Variants in ARHGAP42 observed in about 807,000 individuals in gnomAD.
ARHGAP42 encodes Rho GTPase activating protein 42.
In ARHGAP42, 63 loss-of-function variants were observed where a neutral mutation model predicts 125.0. That is an observed-to-expected ratio of 0.50 (90% CI 0.41 to 0.62). The LOEUF (loss-of-function observed/expected upper bound fraction) is 0.62. Ranked by LOEUF, ARHGAP42 falls within the 20% of genes least tolerant of loss-of-function variation. ARHGAP42 has a pLI of 0.00. For missense variants in ARHGAP42, 766 were observed against 1,024.2 expected, an observed-to-expected ratio of 0.75 and a Z score of 3.44; for synonymous variants, 339 against 351.0, an observed-to-expected ratio of 0.97 and a Z score of 0.38.
At chr11:100,745,060 G>C (rs1862270378) in intron 1 of ARHGAP42, among the ~76,000 whole-genome samples, 1 of 152,170 alleles carries the variant, frequency 6.6e-6, no homozygotes, top group African/African-American at 2.4e-5. Context: ...TGGAATAAAT[G>C]GTTATGGCAG....
At chr11:100,778,729 A>G (rs1565210117) in intron 2 of ARHGAP42, among the ~76,000 whole-genome samples, 2 of 152,156 alleles carry the variant, frequency 1.3e-5, no homozygotes, top group Non-Finnish European at 2.9e-5. Flanking sequence ...ATTTTGAAGC[A>G]CTTTATTTGA....
At chr11:100,720,546 T>C (rs1861741199) in intron 1 of ARHGAP42, among the ~76,000 whole-genome samples, 1 of 152,156 alleles carries the variant, frequency 6.6e-6, no homozygotes, top group Non-Finnish European at 1.5e-5. Flanking sequence ...AGTCCAGTCA[T>C]ATAAAAGTGA....
At chr11:100,779,154 A>G (rs1023414305) in intron 2 of ARHGAP42, among the ~76,000 whole-genome samples, 5 of 152,082 alleles carry the variant, frequency 3.3e-5, no homozygotes, top group Admixed American at 3.3e-4. Context: ...ATTAACAATA[A>G]TATATATACT....
Position 100,943,816 on chromosome 11 carries a change from A to C in ARHGAP42, c.991A>C (p.Lys331Gln). 6.5e-7 allele frequency: 1 copy of C among 1,549,912 alleles called. No homozygotes were observed. Among genetic ancestry groups the C allele is most frequent in the Non-Finnish European group, 8.7e-7 (1 of 1,145,902 alleles). ...MFKLKSCIRR[K>Q]TDSIDKRFCF... ...TAAATTAAAATCTTGTATCCGACGA[A>C]AGACAGATTCAATTGACAAACGATT... The change falls in exon 10 of 24, where the codon AAG becomes CAG. Residue 331 changes from lysine (K) to glutamine (Q), a missense_variant. Around this residue, in one of 3 missense-constraint regions of ARHGAP42, gnomAD observed 455 missense variants for 636.5 expected, o/e 0.71. Coordinates refer to ENST00000298815, the MANE Select transcript of ARHGAP42 (RefSeq NM_152432.4).
intron 3 of ARHGAP42, among the ~76,000 whole-genome samples, chr11:100,834,415 A>G (rs1864733401): frequency 6.6e-6 from 1 of 152,172 alleles, no homozygotes; most frequent in African/African-American, 2.4e-5. Flanking sequence ...TTAGACTTAT[A>G]GAGGTCAAGT....
chr11:100,737,410 T>C (rs1862089150), intron 1 of ARHGAP42, among the ~76,000 whole-genome samples: 1 of 152,172 alleles, frequency 6.6e-6, no homozygotes, highest in South Asian at 2.1e-4. Context: ...TAGAATCCTG[T>C]GAGTGATTTT....
At chr11:100,935,334 A>G (rs1867703940) in intron 7 of ARHGAP42, among the ~76,000 whole-genome samples, 1 of 152,112 alleles carries the variant, frequency 6.6e-6, no homozygotes, top group African/African-American at 2.4e-5. Context: ...TTGGAAACCT[A>G]TTGATTTTTA....
intron 1 of ARHGAP42, among the ~76,000 whole-genome samples, chr11:100,768,218 A>C (rs981260605): frequency 6.6e-6 from 1 of 152,230 alleles, no homozygotes; most frequent in Non-Finnish European, 1.5e-5. Flanking sequence ...TCAGTAGATG[A>C]GAGAGATCTG....
intron 3 of ARHGAP42, among the ~76,000 whole-genome samples, chr11:100,796,995 C>T (rs1232439968): frequency 1.3e-5 from 2 of 152,150 alleles, no homozygotes; most frequent in African/African-American, 2.4e-5. Context: ...TCTTGAACTC[C>T]TGACCTCGTG....
chr11:100,901,472 G>A (rs1866545397), intron 4 of ARHGAP42, among the ~76,000 whole-genome samples: 1 of 152,234 alleles, frequency 6.6e-6, no homozygotes, highest in Non-Finnish European at 1.5e-5. Flanking sequence ...ACTGAAGTCT[G>A]CAGAAGTTGT....
chr11:100,805,720 C>T (rs1414893540), intron 3 of ARHGAP42, among the ~76,000 whole-genome samples: 1 of 152,168 alleles, frequency 6.6e-6, no homozygotes, highest in African/African-American at 2.4e-5. Flanking sequence ...ACTGAAGGTC[C>T]CTTCCCTTTT....
At chr11:100,892,949 G>A (rs1395764194) in intron 4 of ARHGAP42, among the ~76,000 whole-genome samples, 1 of 152,182 alleles carries the variant, frequency 6.6e-6, no homozygotes, top group Non-Finnish European at 1.5e-5. Context: ...CACTGGAGAT[G>A]GAGAACAGGT....
At chr11:100,751,741 C>T (rs2079369098) in intron 1 of ARHGAP42, among the ~76,000 whole-genome samples, 1 of 146,352 alleles carries the variant, frequency 6.8e-6, no homozygotes, top group African/African-American at 2.5e-5. Context: ...ACTCCTATCC[C>T]AGTGTTCTGG....
chr11:100,766,040 T>A (rs1862820797), intron 1 of ARHGAP42, among the ~76,000 whole-genome samples: 1 of 152,238 alleles, frequency 6.6e-6, no homozygotes, highest in Non-Finnish European at 1.5e-5. Context: ...ATTCCTCTAA[T>A]GAAATGAAGT....
intron 6 of ARHGAP42, among the ~76,000 whole-genome samples, chr11:100,930,759 T>C (rs1411234718): frequency 6.6e-6 from 1 of 152,186 alleles, no homozygotes; most frequent in Non-Finnish European, 1.5e-5. Flanking sequence ...TGTGTCAAAA[T>C]ACGTCCGTAA....
intron 4 of ARHGAP42, 50 bp downstream of exon 4, chr11:100,859,675 A>G (rs1317414142): frequency 3.3e-5 from 44 of 1,315,556 alleles, no homozygotes; most frequent in African/African-American, 1.4e-4. Flanking sequence ...ATAATTAAAG[A>G]TGACATAATT....
At position 100,833,603 on chromosome 11, in the gene ARHGAP42, A is replaced by T. The variant is rs189980167; in HGVS notation, c.313-25951A>T. On this transcript the variant is annotated intron_variant, in intron 3 of 23. Coordinates refer to ENST00000298815, the MANE Select transcript of ARHGAP42 (RefSeq NM_152432.4). Reference sequence around the variant, plus strand: ...ATATATGGTTCTTTGAGCATTTCTTACTGCATGTGATCTCTCCAGCATGGT... The same window carrying T: ...ATATATGGTTCTTTGAGCATTTCTTTCTGCATGTGATCTCTCCAGCATGGT... Among the ~76,000 whole-genome samples the T allele has an allele frequency of 7.5e-4, 115 of 152,326 alleles. 3 individuals carry two copies. Among genetic ancestry groups the T allele is most frequent in the Non-Finnish European group, 7.6e-4 (52 of 68,026 alleles).
intron 1 of ARHGAP42, among the ~76,000 whole-genome samples, chr11:100,721,424 A>T (rs1861756081): frequency 6.6e-6 from 1 of 151,758 alleles, no homozygotes; most frequent in African/African-American, 2.4e-5. Context: ...TGCATTTAAG[A>T]TTCTTCCATC....
chr11:100,816,685 A>G (rs1171325919), intron 3 of ARHGAP42: 3 of 152,242 alleles, frequency 2.0e-5, no homozygotes, highest in Non-Finnish European at 4.4e-5. Flanking sequence ...TTAGTTAACA[A>G]TAATTTCCTT....
Sources: allele counts gnomAD v4.1 joint callset (sites outside exome capture counted in the v4.1 genomes callset), GRCh38; gene constraint gnomAD v4.1.1; regional missense constraint gnomAD v4.1.1; transcripts MANE v1.5; gene names NCBI Gene and HGNC (gene_info 2026-07-23, HGNC 2026-07-21).